The following ADRA1A variants were observed in gnomAD, a reference collection of about 807,000 sequenced individuals.
ADRA1A encodes adrenoceptor alpha 1A.
A neutral mutation model predicts 29.6 loss-of-function variants in ADRA1A; 31 were observed. That is an observed-to-expected ratio of 1.05 (90% CI 0.79 to 1.41). The LOEUF (loss-of-function observed/expected upper bound fraction) is 1.41, where lower values mean the gene tolerates loss of function less well. Among genes scored for constraint, ADRA1A ranks in the 40% most tolerant of loss-of-function variants. The pLI is 0.00. For missense variants in ADRA1A, 619 were observed against 601.1 expected, an observed-to-expected ratio of 1.03 and a Z score of -0.31; for synonymous variants, 311 against 254.3, an observed-to-expected ratio of 1.22 and a Z score of -2.12.
rs552867536 is a variant in ADRA1A at position 26,824,843 on chromosome 8, A to T, written c.883+39244T>A. 5.3e-5 allele frequency among the ~76,000 whole-genome samples: 8 copies of T among 152,340 alleles called. No homozygotes were observed. The South Asian group carries it at 1.7e-3, about 32-fold the overall frequency. Reference sequence around the variant, plus strand: ...ACTTAAACACTAATTGCAGGAGAACAGGTAGAAATCATGTTAAATGAGCCC... The same window carrying T: ...ACTTAAACACTAATTGCAGGAGAACTGGTAGAAATCATGTTAAATGAGCCC... On this transcript the variant is annotated intron_variant, in intron 2 of 2. Transcript: ENST00000380573.
chr8:26,778,483 A>G (rs1806709573), intron 2 of ADRA1A, among the ~76,000 whole-genome samples: 1 of 152,160 alleles, frequency 6.6e-6, no homozygotes, highest in African/African-American at 2.4e-5. Flanking sequence ...CAATTTTACT[A>G]AGGTCACCAT....
At position 26,805,075 on chromosome 8, in the gene ADRA1A, C is replaced by T. The variant is rs1272109515; in HGVS notation, c.884-34409G>A. Among the ~76,000 whole-genome samples, 1 of 152,152 alleles carries T rather than the reference C, an allele frequency of 6.6e-6. No homozygotes were observed. ...TTATTTCTGGAGATAAAGAGTATGG[C>T]TCTGAATTTTGTTTCTAATGCTGTT... On this transcript the variant is annotated intron_variant, in intron 2 of 2. Transcript: ENST00000380573. This position sits in a 1 kb window ranked among gnomAD's most constrained non-coding sequence, Gnocchi z 4.8.
downstream of ADRA1A, among the ~76,000 whole-genome samples, chr8:26,764,529 A>G (rs2130233315): frequency 6.6e-6 from 1 of 152,320 alleles, no homozygotes; most frequent in South Asian, 2.1e-4. Flanking sequence ...GAGTGTCGAG[A>G]AACACAGTGG....
In ADRA1A at chr8:26,848,604, T is replaced by G. The variant is rs932300323; in HGVS notation, c.883+15483A>C. 2.0e-5 allele frequency among the ~76,000 whole-genome samples: 3 copies of G among 152,196 alleles called. No individual in the cohort carries two copies. The highest frequency in any genetic ancestry group is 7.2e-5 in the African/African-American group (3 of 41,454). ...AGAAATCAATGTCAGCTGCCTAAGC[T>G]GCCCAGTCTATACCTGCCCAGGTAT... On this transcript the variant is annotated intron_variant, in intron 2 of 2. Coordinates refer to ENST00000380573, the MANE Select transcript of ADRA1A (RefSeq NM_000680.4). This position sits in a 1 kb window ranked among gnomAD's most constrained non-coding sequence, Gnocchi z 4.3.
rs1282444842 is a variant in ADRA1A at position 26,813,495 on chromosome 8, TCC to T, written c.884-42831_884-42830del. 1.5e-4 allele frequency among the ~76,000 whole-genome samples: 22 copies of T among 148,008 alleles called. No individual in the cohort carries two copies. The East Asian group carries it at 3.9e-3, about 26-fold the overall frequency. ...TCTTAATTCCTCTTGCATCTATCCATCCATCCATCCATCCATCCATCCATCCA... is the reference window on the plus strand; with the variant it reads ...TCTTAATTCCTCTTGCATCTATCCATATCCATCCATCCATCCATCCATCCA... On this transcript the variant is annotated intron_variant, in intron 2 of 2. Coordinates refer to ENST00000380573, the MANE Select transcript of ADRA1A (RefSeq NM_000680.4).
In ADRA1A at chr8:26,768,965, A is replaced by G. The variant is rs1248834676; in HGVS notation, c.*1184T>C. ...GGCCTTCTATCAAAAAATGTTTGCAAACTCCTGCGTTAGACAGTTCTTTGG... is the reference window on the plus strand; with the variant it reads ...GGCCTTCTATCAAAAAATGTTTGCAGACTCCTGCGTTAGACAGTTCTTTGG... On this transcript the variant is annotated 3_prime_UTR_variant, in exon 3 of 3. Transcript: ENST00000380573. The G allele has an allele frequency of 3.1e-5, 31 of 985,328 alleles. No individual in the cohort carries two copies. Among genetic ancestry groups the G allele is most frequent in the Non-Finnish European group, 3.6e-5 (30 of 829,934 alleles). 61.0% of individuals were successfully genotyped at this position (985,328 alleles called of 1,614,324 possible). A position where few individuals can be genotyped will look rare whatever the true frequency, so the allele number is the denominator to read the frequency against.
At chr8:26,788,906 A>G (rs892229427) in intron 2 of ADRA1A, among the ~76,000 whole-genome samples, 2 of 152,182 alleles carry the variant, frequency 1.3e-5, no homozygotes, top group South Asian at 2.1e-4. Context: ...ATTTGAATCA[A>G]TTATTAAGAA....
intron 2 of ADRA1A, among the ~76,000 whole-genome samples, chr8:26,845,855 A>G (rs1812159498): frequency 6.6e-6 from 1 of 152,238 alleles, no homozygotes; most frequent in Non-Finnish European, 1.5e-5. Flanking sequence ...ATATGATCCC[A>G]TTCATATGCA....
intron 2 of ADRA1A, among the ~76,000 whole-genome samples, chr8:26,778,072 G>A (rs1192202357): frequency 6.6e-6 from 1 of 152,220 alleles, no homozygotes; most frequent in Non-Finnish European, 1.5e-5. Flanking sequence ...TGAGGAATCA[G>A]GAATTTCATC....
chr8:26,782,683 C>G (rs1398949198), intron 2 of ADRA1A, among the ~76,000 whole-genome samples: 1 of 152,104 alleles, frequency 6.6e-6, no homozygotes, highest in Non-Finnish European at 1.5e-5. Context: ...TCATTTCATA[C>G]CTTTAGTTTC....
intron 2 of ADRA1A, among the ~76,000 whole-genome samples, chr8:26,800,819 A>C (rs1808521716): frequency 6.6e-6 from 1 of 152,116 alleles, no homozygotes; most frequent in South Asian, 2.1e-4. Flanking sequence ...AGACATAAAA[A>C]ACCCCAAAAC....
downstream of ADRA1A, among the ~76,000 whole-genome samples, chr8:26,765,465 C>A (rs1159252099): frequency 2.0e-5 from 3 of 152,248 alleles, no homozygotes; most frequent in African/African-American, 7.2e-5. Flanking sequence ...GTTGGCACCA[C>A]AGCAGCCTGG....
chr8:26,782,753 C>G (rs940070293), intron 2 of ADRA1A, among the ~76,000 whole-genome samples: 1 of 152,148 alleles, frequency 6.6e-6, no homozygotes, highest in African/African-American at 2.4e-5. Flanking sequence ...ACCTGAGCTC[C>G]GTCCTGCACA....
At chr8:26,774,079 C>T (rs1806367086) in intron 2 of ADRA1A, among the ~76,000 whole-genome samples, 2 of 152,332 alleles carry the variant, frequency 1.3e-5, no homozygotes, top group South Asian at 4.1e-4. Context: ...TAGATTTTGG[C>T]TTATGCTTCC....
intron 2 of ADRA1A, among the ~76,000 whole-genome samples, chr8:26,794,040 G>A (rs546439894): frequency 4.6e-5 from 7 of 152,128 alleles, no homozygotes; most frequent in African/African-American, 1.7e-4. Flanking sequence ...TAGAAATGAA[G>A]TTGAAATACA....
rs761990725 is a variant in ADRA1A, at chr8:26,864,997, G to C, written c.-28C>G. 2.6e-6 allele frequency: 4 copies of C among 1,553,486 alleles called. No individual in the cohort carries two copies. The highest frequency in any genetic ancestry group is 1.2e-5 in the South Asian group (1 of 82,322). The stretch of plus-strand genomic sequence containing the variant: ...TCCCAGCCGGGGCCGGGCGAGGTCC[G>C]GCTGTCCAGGGCCACCTCCCGGGCT... On this transcript the variant is annotated 5_prime_UTR_variant, in exon 2 of 3. Transcript: ENST00000380573. The surrounding 1 kb of genome is among the most constrained non-coding windows in gnomAD (Gnocchi z 8.1).
chr8:26,757,859 G>GCACACA (rs1554489125), intron 2 of ADRA1A, among the ~76,000 whole-genome samples: 51 of 151,408 alleles, frequency 3.4e-4, no homozygotes, highest in African/African-American at 9.5e-4. Context: ...ATAAGCACAC[G>GCACACA]CACACACACA....
At chr8:26,750,841 G>T (rs113660367) in intron 2 of ADRA1A, among the ~76,000 whole-genome samples, 2 of 152,148 alleles carry the variant, frequency 1.3e-5, no homozygotes, top group African/African-American at 4.8e-5. Flanking sequence ...AGGCCAAGGC[G>T]GGCAGATCAC....
At position 26,831,135 on chromosome 8, in the gene ADRA1A, C is replaced by T. The variant is rs1162022379; in HGVS notation, c.883+32952G>A. 6.6e-6 allele frequency among the ~76,000 whole-genome samples: 1 copy of T among 152,144 alleles called. No homozygotes were observed. Among genetic ancestry groups the T allele is most frequent in the East Asian group, 1.9e-4 (1 of 5,204 alleles). ...CTGTAACCTAATCACATATCCTTGG[C>T]AGCAAAGGCAAGATCCCCTGCTGAC... On this transcript the variant is annotated intron_variant, in intron 2 of 2. Transcript: ENST00000380573. The surrounding 1 kb of genome is among the most constrained non-coding windows in gnomAD (Gnocchi z 5.2).
Sources: gnomAD v4.1 joint callset for allele counts (sites outside exome capture counted in the v4.1 genomes callset) on GRCh38, gnomAD v4.1.1 for gene constraint, Gnocchi (gnomAD v3.1) non-coding constraint, MANE v1.5 for transcripts, NCBI Gene and HGNC (gene_info 2026-07-23, HGNC 2026-07-21) for gene names.